SLC35F1: variants seen among roughly 807,000 people sequenced by gnomAD.
SLC35F1 encodes the protein solute carrier family 35 member F1.
Under a neutral mutation model 48.7 loss-of-function variants are expected in SLC35F1, and 14 were observed. The observed-to-expected ratio is 0.29, with a 90% confidence interval of 0.19 to 0.45. The LOEUF (loss-of-function observed/expected upper bound fraction) is 0.45. Ranked by LOEUF, SLC35F1 falls within the 20% of genes least tolerant of loss-of-function variation. The pLI, the probability that SLC35F1 is intolerant of heterozygous loss-of-function variation, is 1.00. For synonymous variants in SLC35F1, 190 were observed against 202.2 expected (o/e 0.94, Z 0.51); for missense variants, 404 against 500.0 (o/e 0.81, Z 1.83).
At chr6:118,134,558 C>G (rs1044809969) in intron 1 of SLC35F1, among the ~76,000 whole-genome samples, 2 of 152,166 alleles carry the variant, frequency 1.3e-5, no homozygotes, top group Non-Finnish European at 2.9e-5. Context: ...AATAGGCAAG[C>G]GTTTAATAAA....
intron 3 of SLC35F1, among the ~76,000 whole-genome samples, chr6:118,241,972 T>C (rs1231082783): frequency 6.6e-6 from 1 of 152,260 alleles, no homozygotes; most frequent in Non-Finnish European, 1.5e-5. Context: ...ACTATTTACC[T>C]GTTGAAAGAC....
At chr6:118,083,811 C>T (rs183615946) in intron 1 of SLC35F1, among the ~76,000 whole-genome samples, 2 of 152,126 alleles carry the variant, frequency 1.3e-5, no homozygotes, top group Non-Finnish European at 2.9e-5. Context: ...TTCATTGTTG[C>T]CACTTCAAAT....
chr6:118,029,531 G>A (rs1049644337), intron 1 of SLC35F1, among the ~76,000 whole-genome samples: 7 of 152,014 alleles, frequency 4.6e-5, no homozygotes, highest in Non-Finnish European at 8.8e-5. Flanking sequence ...GTATATACAG[G>A]AAAAATCATA....
At chr6:117,963,190 A>G (rs1776519579) in intron 1 of SLC35F1, among the ~76,000 whole-genome samples, 1 of 152,216 alleles carries the variant, frequency 6.6e-6, no homozygotes, top group Non-Finnish European at 1.5e-5. Flanking sequence ...TGGCCCAAGT[A>G]CATCATTGCT....
intron 1 of SLC35F1, among the ~76,000 whole-genome samples, chr6:118,021,036 G>A (rs1777387204): frequency 6.6e-6 from 1 of 152,120 alleles, no homozygotes; most frequent in Non-Finnish European, 1.5e-5. Flanking sequence ...ATAATTAAAG[G>A]AAGTTTGTTT....
At chr6:118,162,302 T>C (rs1048387575) in intron 2 of SLC35F1, among the ~76,000 whole-genome samples, 3 of 152,220 alleles carry the variant, frequency 2.0e-5, no homozygotes, top group African/African-American at 4.8e-5. Flanking sequence ...TGCATAGTTA[T>C]ACAATGTTCT....
intron 1 of SLC35F1, among the ~76,000 whole-genome samples, chr6:118,046,697 T>C (rs1314037457): frequency 6.6e-6 from 1 of 152,142 alleles, no homozygotes; most frequent in African/African-American, 2.4e-5. Context: ...AAGCACTCCA[T>C]ATATGATAAC....
chr6:118,281,200 C>CTATATATATATA (rs756821926), intron 6 of SLC35F1, among the ~76,000 whole-genome samples: 1 of 119,962 alleles, frequency 8.3e-6, no homozygotes, highest in African/African-American at 3.1e-5. Flanking sequence ...CTCTCTCTCT[C>CTATATATATATA]TCTCTATATA....
intron 1 of SLC35F1, among the ~76,000 whole-genome samples, chr6:118,109,413 C>T (rs558836339): frequency 6.6e-6 from 1 of 152,282 alleles, no homozygotes; most frequent in East Asian, 1.9e-4. Flanking sequence ...TGCCTTTATT[C>T]TTTCCCATGC....
chr6:117,919,859 G>T lies in SLC35F1; in HGVS notation c.173+11960G>T, dbSNP rs77953070. On this transcript the variant is annotated intron_variant, in intron 1 of 7. Transcript: ENST00000360388. ...TTGTGCCTCTCAGCCCAGGAGCTCC[G>T]CGGTACCTGTGGTTCCTGAAAGAGA... 4.1e-3 allele frequency among the ~76,000 whole-genome samples: 621 copies of T among 152,280 alleles called. 3 individuals carry two copies. Among genetic ancestry groups the T allele is most frequent in the African/African-American group, 0.014 (585 of 41,556 alleles).
chr6:118,123,078 A>C (rs989240792), intron 1 of SLC35F1, among the ~76,000 whole-genome samples: 2 of 150,902 alleles, frequency 1.3e-5, no homozygotes, highest in African/African-American at 4.9e-5. Flanking sequence ...TGGTAGTTTG[A>C]ATAGTATTTA....
chr6:118,138,456 C>T (rs1166681506), intron 1 of SLC35F1, among the ~76,000 whole-genome samples: 1 of 152,132 alleles, frequency 6.6e-6, no homozygotes, highest in East Asian at 1.9e-4. Context: ...CCTATGTTAT[C>T]TATCTCTCTC....
intron 1 of SLC35F1, among the ~76,000 whole-genome samples, chr6:118,127,272 C>T (rs1185461271): frequency 6.6e-6 from 1 of 152,078 alleles, no homozygotes; most frequent in African/African-American, 2.4e-5. Context: ...TGTTTATAAG[C>T]TGGATTACAT....
intron 1 of SLC35F1, among the ~76,000 whole-genome samples, chr6:118,126,586 C>A (rs1243340121): frequency 1.3e-5 from 2 of 151,492 alleles, no homozygotes; most frequent in Non-Finnish European, 1.5e-5. Flanking sequence ...TGGCCATTTT[C>A]ACGATATTGA....
At chr6:118,150,272 G>A (rs1438127868) in intron 1 of SLC35F1, among the ~76,000 whole-genome samples, 1 of 151,896 alleles carries the variant, frequency 6.6e-6, no homozygotes, top group East Asian at 1.9e-4. Flanking sequence ...TAGCTTAATC[G>A]GCTCCATTTT....
chr6:118,100,362 T>C (rs751262423), intron 1 of SLC35F1, among the ~76,000 whole-genome samples: 62 of 152,060 alleles, frequency 4.1e-4, no homozygotes, highest in Non-Finnish European at 7.4e-4. Flanking sequence ...AAGACTGTCC[T>C]CACTTCAGAC....
chr6:118,213,315 C>G (rs1426677510), intron 2 of SLC35F1, among the ~76,000 whole-genome samples: 1 of 152,108 alleles, frequency 6.6e-6, no homozygotes, highest in Non-Finnish European at 1.5e-5. Flanking sequence ...GAGAGATTAT[C>G]CTCTTTGTTT....
At chr6:118,210,837 T>A (rs1275460860) in intron 2 of SLC35F1, among the ~76,000 whole-genome samples, 1 of 152,206 alleles carries the variant, frequency 6.6e-6, no homozygotes, top group African/African-American at 2.4e-5. Context: ...GTCCAAGTGC[T>A]GCCCTCTTTC....
At chr6:117,971,314 G>A (rs1460290445) in intron 1 of SLC35F1, among the ~76,000 whole-genome samples, 1 of 152,220 alleles carries the variant, frequency 6.6e-6, no homozygotes, top group Non-Finnish European at 1.5e-5. Context: ...CCATGGCCTT[G>A]GGCAGCTCTG....
Sources: gnomAD v4.1 joint callset for allele counts (sites outside exome capture counted in the v4.1 genomes callset) on GRCh38, gnomAD v4.1.1 for gene constraint, MANE v1.5 for transcripts, NCBI Gene and HGNC (gene_info 2026-07-23, HGNC 2026-07-21) for gene names.